The following TNRC6A variants were observed in gnomAD, a reference collection of about 807,000 sequenced individuals.
TNRC6A encodes trinucleotide repeat containing adaptor 6A.
In TNRC6A, 44 loss-of-function variants were observed where a neutral mutation model predicts 221.2. The observed-to-expected ratio is 0.20, with a 90% CI of 0.16 to 0.26. The LOEUF (loss-of-function observed/expected upper bound fraction) is 0.26, where lower values mean the gene tolerates loss of function less well. Among genes scored for constraint, TNRC6A ranks in the 10% least tolerant of loss-of-function variants. The probability of loss-of-function intolerance (pLI) is 1.00; values close to 1 mark genes in which losing one functional copy is unlikely to be tolerated. For missense variants in TNRC6A, 2,199 were observed against 2,404.4 expected (o/e 0.91, Z 1.79); for synonymous variants, 847 against 838.5 (o/e 1.01, Z -0.18).
intron 5 of TNRC6A, among the ~76,000 whole-genome samples, chr16:24,783,568 T>C (rs2057901184): frequency 6.6e-6 from 1 of 152,026 alleles, no homozygotes; most frequent in Admixed American, 6.6e-5. Context: ...GTGATCACAC[T>C]TCTGTGGGCA....
intron 2 of TNRC6A, among the ~76,000 whole-genome samples, chr16:24,708,371 G>C (rs2056139633): frequency 6.6e-6 from 1 of 151,960 alleles, no homozygotes; most frequent in Non-Finnish European, 1.5e-5. Flanking sequence ...CTCCTGAATA[G>C]CTGGGTCTAC....
At chr16:24,810,808 A>C (rs975914540) in intron 18 of TNRC6A, among the ~76,000 whole-genome samples, 1 of 152,212 alleles carries the variant, frequency 6.6e-6, no homozygotes, top group Admixed American at 6.5e-5. Context: ...GTTAAGACTT[A>C]AAGTAGTCTA....
intron 2 of TNRC6A, among the ~76,000 whole-genome samples, chr16:24,700,993 G>A (rs2055962609): frequency 6.6e-6 from 1 of 152,210 alleles, no homozygotes; most frequent in South Asian, 2.1e-4. Flanking sequence ...ATCCCAGGCT[G>A]AATTAATCAA....
chr16:24,703,782 C>G (rs1395305789), intron 2 of TNRC6A, among the ~76,000 whole-genome samples: 2 of 151,982 alleles, frequency 1.3e-5, no homozygotes, highest in African/African-American at 2.4e-5. Context: ...ATGGTAAACT[C>G]TATGTTTAGA....
chr16:24,703,728 C>T (rs1026243021), intron 2 of TNRC6A, among the ~76,000 whole-genome samples: 3 of 152,054 alleles, frequency 2.0e-5, no homozygotes, highest in African/African-American at 4.8e-5. Flanking sequence ...TATATGCTTT[C>T]ATTTCTCTTG....
At chr16:24,612,957 T>C (rs1400399544) in intron 1 of TNRC6A, among the ~76,000 whole-genome samples, 3 of 151,566 alleles carry the variant, frequency 2.0e-5, no homozygotes, top group African/African-American at 4.8e-5. Flanking sequence ...TAAGAATATA[T>C]AACTGAAGGC....
At chr16:24,805,265 A>T in intron 14 of TNRC6A, 114 bp downstream of exon 14, 1 of 1,411,552 alleles carries the variant, frequency 7.1e-7, no homozygotes, top group South Asian at 1.3e-5. Context: ...CATCTTTGAG[A>T]TTCAGCTAGT....
At chr16:24,818,545 C>T (rs781163863) in intron 20 of TNRC6A, 48 bp from the exon 21 acceptor site, 14 of 1,493,350 alleles carry the variant, frequency 9.4e-6, no homozygotes, top group Non-Finnish European at 8.4e-6. Context: ...TTTTCTGAAC[C>T]TCCACGTCCC....
chr16:24,716,970 A>AG (rs2056325799), intron 2 of TNRC6A, among the ~76,000 whole-genome samples: 1 of 112,552 alleles, frequency 8.9e-6, no homozygotes, highest in Admixed American at 9.5e-5. Flanking sequence ...AAAAAAAAAG[A>AG]AAAAAAAAAA....
chr16:24,701,845 A>G (rs1228367826), intron 2 of TNRC6A, among the ~76,000 whole-genome samples: 2 of 152,134 alleles, frequency 1.3e-5, no homozygotes, highest in Non-Finnish European at 2.9e-5. Flanking sequence ...TTCTGGTCTT[A>G]TGGAAGAGAG....
At position 24,758,320 on chromosome 16, in the gene TNRC6A, T is replaced by G. The variant is rs959428267; in HGVS notation, c.142-19T>G. 15 of 1,602,050 alleles carry G rather than the reference T, an allele frequency of 9.4e-6. No homozygotes were observed. Among genetic ancestry groups the G allele is most frequent in the Non-Finnish European group, 1.3e-5 (15 of 1,170,030 alleles). Reference sequence around the variant, plus strand: ...GTTTCATATTTACATTGTTTTTTGTTTGTTTGTTTTTATTTTAGGCCACTG... The same window carrying G: ...GTTTCATATTTACATTGTTTTTTGTGTGTTTGTTTTTATTTTAGGCCACTG... On this transcript the variant is annotated intron_variant, in intron 3 of 24. Coordinates refer to ENST00000395799, the MANE Select transcript of TNRC6A (RefSeq NM_014494.4).
intron 2 of TNRC6A, among the ~76,000 whole-genome samples, chr16:24,747,187 A>G (rs2057031534): frequency 6.6e-6 from 1 of 152,212 alleles, no homozygotes; most frequent in African/African-American, 2.4e-5. Flanking sequence ...AAATTCAAAC[A>G]TTGAGTGTGT....
At chr16:24,616,912 C>A (rs889280982) in intron 1 of TNRC6A, among the ~76,000 whole-genome samples, 4 of 148,424 alleles carry the variant, frequency 2.7e-5, no homozygotes, top group African/African-American at 9.9e-5. Flanking sequence ...CAGAGTGAGA[C>A]TCCACCTCAA....
chr16:24,734,595 C>T (rs558801641), intron 2 of TNRC6A, among the ~76,000 whole-genome samples: 22 of 152,198 alleles, frequency 1.4e-4, no homozygotes, highest in African/African-American at 4.3e-4. Flanking sequence ...CAGTAACTTA[C>T]GCAAGTTTAT....
chr16:24,717,273 G>A lies in TNRC6A; in HGVS notation n.403-33453G>A, dbSNP rs548686147. Among the ~76,000 whole-genome samples the A allele has an allele frequency of 1.2e-3, 188 of 152,232 alleles. 1 individual carries two copies. Among genetic ancestry groups the A allele is most frequent in the Non-Finnish European group, 2.0e-3 (137 of 68,016 alleles). On this transcript the variant is annotated intron_variant and non_coding_transcript_variant, in intron 2 of 2. Coordinates refer to the TNRC6A transcript ENST00000566108. Reference sequence around the variant, plus strand: ...CCTCATTATTTATTTTAATGTTCAAGTTATCCTCTACTTAATCAGTAGGTA... The same window carrying A: ...CCTCATTATTTATTTTAATGTTCAAATTATCCTCTACTTAATCAGTAGGTA...
chr16:24,673,494 G>A (rs1488372634), intron 2 of TNRC6A, among the ~76,000 whole-genome samples: 1 of 152,204 alleles, frequency 6.6e-6, no homozygotes, highest in East Asian at 1.9e-4. Flanking sequence ...GATTCTGGCA[G>A]GGTGTGAGAA....
At chr16:24,707,824 C>T (rs1305441397) in intron 2 of TNRC6A, among the ~76,000 whole-genome samples, 1 of 152,098 alleles carries the variant, frequency 6.6e-6, no homozygotes, top group Non-Finnish European at 1.5e-5. Context: ...TCTGGGAGGC[C>T]AAGGTGGGTA....
At chr16:24,747,868 A>G (rs1295988858) in intron 2 of TNRC6A, among the ~76,000 whole-genome samples, 2 of 152,204 alleles carry the variant, frequency 1.3e-5, no homozygotes, top group East Asian at 3.8e-4. Flanking sequence ...AGTCTTGAAA[A>G]TGAAGTTTGA....
At chr16:24,628,529 T>C (rs924134399) in intron 1 of TNRC6A, among the ~76,000 whole-genome samples, 3 of 152,114 alleles carry the variant, frequency 2.0e-5, no homozygotes, top group African/African-American at 7.2e-5. Context: ...GAGTAACCCC[T>C]CTTCTTCCTC....
Sources: allele counts gnomAD v4.1 joint callset (sites outside exome capture counted in the v4.1 genomes callset), GRCh38; gene constraint gnomAD v4.1.1; transcripts MANE v1.5; gene names NCBI Gene and HGNC (gene_info 2026-07-23, HGNC 2026-07-21).